TBX15: variants seen among roughly 807,000 people sequenced by gnomAD.
The protein encoded by TBX15 is T-box transcription factor 15, also known as T-box transcription factor TBX15.
In TBX15, 18 loss-of-function variants were observed where a neutral mutation model predicts 53.9. The ratio of observed to expected loss-of-function variants is 0.33; its 90% CI spans 0.23 to 0.49. TBX15 has a LOEUF of 0.49. TBX15 is among the 20% of genes least tolerant of loss of function. The pLI is 0.98. For synonymous variants in TBX15, 295 were observed against 278.0 expected (o/e 1.06, Z -0.61); for missense variants, 692 against 749.5 (o/e 0.92, Z 0.90).
Position 118,890,116 on chromosome 1 carries a change from T to C in TBX15, c.1025-4600A>G, listed in dbSNP as rs759501987. Among the ~76,000 whole-genome samples, 19 of 152,196 alleles carry C rather than the reference T, an allele frequency of 1.2e-4. 1 individual carries two copies. Among genetic ancestry groups the C allele is most frequent in the Non-Finnish European group, 7.3e-5 (5 of 68,036 alleles). On this transcript the variant is annotated intron_variant, in intron 7 of 7. Transcript: ENST00000369429. ...ACAGCTACATGTTTGTTGTACATGC[T>C]AGAGGAACCTCCATCACTGTGAATG...
At chr1:118,885,694 TAC>T (rs1459111591) in intron 7 of TBX15, among the ~76,000 whole-genome samples, 178 bp from the exon 8 acceptor site, 1 of 151,560 alleles carries the variant, frequency 6.6e-6, no homozygotes, top group African/African-American at 2.4e-5. Context: ...TGTGGACATA[TAC>T]ACAGTCATAC....
Position 118,914,140 on chromosome 1 carries a change from C to T in TBX15, c.901G>A (p.Gly301Arg). 1 of 1,613,808 alleles carries T rather than the reference C, an allele frequency of 6.2e-7. No individual in the cohort carries two copies. The highest frequency in any genetic ancestry group is 8.5e-7 in the Non-Finnish European group (1 of 1,179,826). The change falls in exon 6 of 8, where the codon GGA becomes AGA. Residue 301 changes from glycine (G) to arginine (R), a missense_variant. By Grantham distance (125) the Gly-to-Arg change is moderately radical (BLOSUM62 -2). This residue lies in a region of TBX15 where 10 missense variants were observed against 30.4 expected (regional missense o/e 0.33). Transcript: ENST00000369429. ...CTGTTTCTCCCAGAATCTCTGAATC[C>T]TTTAGCAAAAGGGTTTCGGTCAATT... is the stretch of plus-strand genomic sequence containing the variant. Reference protein sequence around the residue: ...LKIDRNPFAKGFRDSGRNRTG... With the variant: ...LKIDRNPFAKRFRDSGRNRTG...
chr1:118,890,434 C>CATCTGTAGG (rs1211420441), intron 7 of TBX15, among the ~76,000 whole-genome samples: 1 of 152,134 alleles, frequency 6.6e-6, no homozygotes. Flanking sequence ...AGTTCTGTAG[C>CATCTGTAGG]ATCTGTAGGA....
At chr1:118,948,506 G>C (rs912143966) in intron 1 of TBX15, among the ~76,000 whole-genome samples, 4 of 152,148 alleles carry the variant, frequency 2.6e-5, no homozygotes, top group African/African-American at 9.7e-5. Flanking sequence ...AGAAACCTCA[G>C]GTTTTACATA....
At chr1:118,975,556 G>C (rs908483546) in intron 1 of TBX15, among the ~76,000 whole-genome samples, 23 of 152,228 alleles carry the variant, frequency 1.5e-4, no homozygotes, top group African/African-American at 5.5e-4. Flanking sequence ...GCAGGGCTGA[G>C]TTTAAATTCT....
chr1:118,970,689 C>T (rs192040340), intron 1 of TBX15, among the ~76,000 whole-genome samples: 7 of 152,308 alleles, frequency 4.6e-5, no homozygotes, highest in Admixed American at 6.5e-5. Context: ...TGGATCTCTG[C>T]GGCTGACTCT....
At chr1:118,902,537 A>G (rs140222080) in intron 6 of TBX15, among the ~76,000 whole-genome samples, 1 of 152,340 alleles carries the variant, frequency 6.6e-6, no homozygotes, top group Non-Finnish European at 1.5e-5. Context: ...TTCTAAGCCT[A>G]AAACTTAGGA....
intron 6 of TBX15, among the ~76,000 whole-genome samples, chr1:118,912,675 A>G (rs570190762): frequency 6.6e-6 from 1 of 152,348 alleles, no homozygotes; most frequent in East Asian, 1.9e-4. Flanking sequence ...TGACCTGGAC[A>G]TGTAAAATAA....
chr1:118,899,258 T>C (rs1654534785), intron 6 of TBX15, 133 bp from the exon 7 acceptor site: 1 of 841,446 alleles, frequency 1.2e-6, no homozygotes, highest in Non-Finnish European at 2.0e-6. Context: ...TCAAGGTAAA[T>C]TCGGGTGAAA....
chr1:118,898,180 C>G (rs1055066639), intron 7 of TBX15, among the ~76,000 whole-genome samples: 3 of 152,162 alleles, frequency 2.0e-5, no homozygotes, highest in Admixed American at 6.6e-5. Context: ...GTGATAAGAG[C>G]CTAGCCTAGA....
chr1:118,884,452 T>C lies in TBX15; in HGVS notation c.*280A>G. ...ACATTATGACGAAGTGATTATTCAG[T>C]CTCTTCAAAGGCCACTCTGGAACAG... On this transcript the variant is annotated 3_prime_UTR_variant, in exon 8 of 8. Transcript: ENST00000369429. 1 of 484,920 alleles carries C rather than the reference T, an allele frequency of 2.1e-6. No homozygotes were observed. The highest frequency in any genetic ancestry group is 2.3e-5 in the South Asian group (1 of 43,898). 30.0% of individuals were successfully genotyped at this position (484,920 alleles called of 1,614,324 possible).
intron 1 of TBX15, among the ~76,000 whole-genome samples, chr1:118,979,810 C>T (rs563348839): frequency 6.6e-5 from 10 of 152,192 alleles, no homozygotes; most frequent in African/African-American, 2.2e-4. Flanking sequence ...CCCGCGATAA[C>T]CCCGGGCGCA....
At position 118,884,312 on chromosome 1, in the gene TBX15, T is replaced by C. The variant is rs1653839850; in HGVS notation, c.*420A>G. 4.6e-6 allele frequency: 1 copy of C among 218,876 alleles called. No individual in the cohort carries two copies. The highest frequency in any genetic ancestry group is 2.3e-5 in the African/African-American group (1 of 43,076). The allele number at this position is 218,876 out of a possible 1,614,324, so 13.6% of individuals were successfully genotyped here. The stretch of plus-strand genomic sequence containing the variant: ...CAGTGTGCATGTATGATTGCATGTG[T>C]ATGAATTGTGTATGAATATGTATGT... On this transcript the variant is annotated 3_prime_UTR_variant, in exon 8 of 8. Transcript: ENST00000369429.
chr1:118,962,484 G>T (rs1371150358), intron 1 of TBX15, among the ~76,000 whole-genome samples: 2 of 152,114 alleles, frequency 1.3e-5, no homozygotes, highest in African/African-American at 4.8e-5. Flanking sequence ...GTATTTAAAT[G>T]ACAATGATGC....
At chr1:118,914,362 C>A (rs936502739) in intron 5 of TBX15, among the ~76,000 whole-genome samples, 183 bp from the exon 6 acceptor site, 1 of 152,100 alleles carries the variant, frequency 6.6e-6, no homozygotes, top group Admixed American at 6.6e-5. Flanking sequence ...ATGTCTGACC[C>A]ACCCGACTCA....
chr1:118,974,584 C>T (rs1657357604), intron 1 of TBX15, among the ~76,000 whole-genome samples: 1 of 152,126 alleles, frequency 6.6e-6, no homozygotes, highest in African/African-American at 2.4e-5. Flanking sequence ...AGCATGAAAC[C>T]TGCTGTTAAG....
rs1232348960 is a variant in TBX15, at chr1:118,884,874, T to A, written c.1667A>T (p.Gln556Leu). 2 of 1,614,106 alleles carry A rather than the reference T, an allele frequency of 1.2e-6. No individual in the cohort carries two copies. Among genetic ancestry groups the A allele is most frequent in the African/African-American group, 2.7e-5 (2 of 74,946 alleles). Residue 556 changes from glutamine (Q) to leucine (L), a missense_variant, in exon 8 of 8, where the codon CAG becomes CTG. Physicochemically the swap from Gln to Leu is moderately radical, Grantham distance 113 (BLOSUM62 -2). Around this residue, in one of 3 missense-constraint regions of TBX15, gnomAD observed 375 missense variants for 371.6 expected, o/e 1.01. Coordinates refer to ENST00000369429, the MANE Select transcript of TBX15 (RefSeq NM_001330677.2). ...GTGCTCCATCCCTGACGGCAGGTAC[T>A]GCCTCTCTCCAAAGGCCCCGTTGGA... ...SPSNGAFGER[Q>L]YLPSGMEHSM...
chr1:118,905,518 G>C (rs919540198), intron 6 of TBX15, among the ~76,000 whole-genome samples: 5 of 152,210 alleles, frequency 3.3e-5, no homozygotes, highest in African/African-American at 1.2e-4. Flanking sequence ...GCTATGGCCT[G>C]CATGAAAAGC....
chr1:118,894,999 T>A (rs1338470223), intron 7 of TBX15, among the ~76,000 whole-genome samples: 1 of 152,154 alleles, frequency 6.6e-6, no homozygotes. Context: ...GAGATCTGTA[T>A]AAATCAGCTA....
Sources: allele counts gnomAD v4.1 joint callset (sites outside exome capture counted in the v4.1 genomes callset), GRCh38; gene constraint gnomAD v4.1.1; regional missense constraint gnomAD v4.1.1; transcripts MANE v1.5; gene names NCBI Gene and HGNC (gene_info 2026-07-23, HGNC 2026-07-21).